FAT3: variants seen among roughly 807,000 people sequenced by gnomAD.
The protein encoded by FAT3 is protocadherin Fat 3.
A neutral mutation model predicts 310.2 loss-of-function variants in FAT3; 95 were observed. The ratio of observed to expected loss-of-function variants is 0.31; its 90% confidence interval spans 0.26 to 0.36. The LOEUF (loss-of-function observed/expected upper bound fraction) is 0.36, where lower values mean the gene tolerates loss of function less well. FAT3 is among the 10% of genes least tolerant of loss of function. The probability of loss-of-function intolerance (pLI) is 1.00; values close to 1 mark genes in which losing one functional copy is unlikely to be tolerated. For synonymous variants in FAT3, 2,314 were observed against 2,192.9 expected, an observed-to-expected ratio of 1.06 and a Z score of -1.54; for missense variants, 5,408 against 5,715.6, an observed-to-expected ratio of 0.95 and a Z score of 1.74.
intron 2 of FAT3, among the ~76,000 whole-genome samples, chr11:92,356,311 G>C (rs1948730136): frequency 6.6e-6 from 1 of 152,118 alleles, no homozygotes; most frequent in Admixed American, 6.5e-5. Context: ...TCCCTGTCTT[G>C]TTTAAATGGT....
chr11:92,539,854 T>G (rs1437212943), intron 3 of FAT3, among the ~76,000 whole-genome samples: 1 of 152,188 alleles, frequency 6.6e-6, no homozygotes, highest in Non-Finnish European at 1.5e-5. Context: ...ACATAATCTT[T>G]TGAACAAAGT....
chr11:92,846,162 C>G (rs1400317554), intron 19 of FAT3, among the ~76,000 whole-genome samples: 1 of 152,080 alleles, frequency 6.6e-6, no homozygotes, highest in South Asian at 2.1e-4. Flanking sequence ...GGTCTGTATG[C>G]GGTGATTCAC....
intron 4 of FAT3, among the ~76,000 whole-genome samples, chr11:92,738,173 A>C (rs1389111132): frequency 6.6e-6 from 1 of 152,026 alleles, no homozygotes; most frequent in African/African-American, 2.4e-5. Flanking sequence ...ATACATCATC[A>C]CTCCAGATAG....
At chr11:92,835,223 C>T in intron 15 of FAT3, 139 bp downstream of exon 15, 3 of 644,322 alleles carry the variant, frequency 4.7e-6, no homozygotes, top group Non-Finnish European at 7.8e-6. Context: ...AGAATAGGAG[C>T]CATCTTTCTA....
At chr11:92,400,543 A>G (rs1949989565) in intron 2 of FAT3, 1 of 152,162 alleles carries the variant, frequency 6.6e-6, no homozygotes, top group Admixed American at 6.6e-5. Flanking sequence ...TTTGGCAATA[A>G]AAGGTCATAT....
At chr11:92,622,539 A>G (rs763703652) in intron 3 of FAT3, among the ~76,000 whole-genome samples, 2 of 152,158 alleles carry the variant, frequency 1.3e-5, no homozygotes, top group Non-Finnish European at 2.9e-5. Context: ...CTGCTTCCTC[A>G]GCCTTGACTT....
chr11:92,769,407 C>A (rs1001162666), intron 6 of FAT3, among the ~76,000 whole-genome samples: 1 of 152,222 alleles, frequency 6.6e-6, no homozygotes, highest in Non-Finnish European at 1.5e-5. Context: ...TATCTTCACA[C>A]TTCTCAGGGG....
chr11:92,661,342 G>T (rs930004057), intron 3 of FAT3, among the ~76,000 whole-genome samples: 67 of 152,230 alleles, frequency 4.4e-4, no homozygotes, highest in Non-Finnish European at 9.7e-4. Flanking sequence ...ACAGAAAGGT[G>T]TGTGGTCTTT....
At chr11:92,551,472 G>A (rs185117778) in intron 3 of FAT3, among the ~76,000 whole-genome samples, 2 of 140,180 alleles carry the variant, frequency 1.4e-5, no homozygotes, top group Admixed American at 1.5e-4. Flanking sequence ...TTTTCTTCAA[G>A]CCTTCTGCTG....
At chr11:92,553,550 C>A (rs1954892652) in intron 3 of FAT3, among the ~76,000 whole-genome samples, 1 of 152,226 alleles carries the variant, frequency 6.6e-6, no homozygotes, top group South Asian at 2.1e-4. Context: ...CACATTAAAA[C>A]CAGATGTTTC....
intron 2 of FAT3, among the ~76,000 whole-genome samples, chr11:92,382,379 A>G: frequency 6.6e-6 from 1 of 152,194 alleles, no homozygotes; most frequent in Non-Finnish European, 1.5e-5. Flanking sequence ...TATTTTGTAC[A>G]GTTTTCATTT....
chr11:92,644,776 G>A (rs1003452272), intron 3 of FAT3, among the ~76,000 whole-genome samples: 2 of 152,204 alleles, frequency 1.3e-5, no homozygotes, highest in South Asian at 2.1e-4. Context: ...TGGGGGCAGA[G>A]TCAGAAGTTA....
rs530943664 is a variant in FAT3 at position 92,844,623 on chromosome 11, T to A, written c.11256T>A (p.His3752Gln). ...NCSGLDCQEQ[H>Q]CEQGLSLDSH... ...CAGGGCTGGACTGTCAGGAACAGCA[T>A]TGTGAGCAAGGCTTGTCACTCGATT... Residue 3752 changes from histidine (H) to glutamine (Q), a missense_variant, in exon 19 of 28, where the codon CAT (histidine) becomes CAA (glutamine). Transcript: ENST00000525166. The A allele has an allele frequency of 7.4e-6, 12 of 1,613,238 alleles. No individual in the cohort carries two copies. The highest frequency in any genetic ancestry group is 1.0e-5 in the Non-Finnish European group (12 of 1,179,630).
At chr11:92,683,072 T>TA (rs1179409316) in intron 3 of FAT3, among the ~76,000 whole-genome samples, 98 of 114,784 alleles carry the variant, frequency 8.5e-4, no homozygotes, top group East Asian at 9.5e-4. Flanking sequence ...AGCAAGACTC[T>TA]AAAAAAAAAA....
intron 4 of FAT3, among the ~76,000 whole-genome samples, chr11:92,720,722 C>A (rs750255960): frequency 4.6e-4 from 70 of 152,248 alleles, no homozygotes; most frequent in Admixed American, 8.5e-4. Context: ...TTTAACTCTT[C>A]TTCATCTTTT....
At chr11:92,650,971 G>C (rs1384277530) in intron 3 of FAT3, among the ~76,000 whole-genome samples, 14 of 152,206 alleles carry the variant, frequency 9.2e-5, no homozygotes, top group Admixed American at 7.9e-4. Context: ...CAGTAATGCA[G>C]CTTGCTCTCT....
At chr11:92,611,742 G>A (rs138106855) in intron 3 of FAT3, among the ~76,000 whole-genome samples, 1 of 152,222 alleles carries the variant, frequency 6.6e-6, no homozygotes, top group African/African-American at 2.4e-5. Flanking sequence ...AATTATAGGG[G>A]GAGAGAGGAA....
At chr11:92,325,688 G>A (rs1166489030) in intron 1 of FAT3, among the ~76,000 whole-genome samples, 5 of 152,192 alleles carry the variant, frequency 3.3e-5, no homozygotes, top group African/African-American at 9.7e-5. Context: ...CTGGAGTGCA[G>A]TGGTATGATC....
At chr11:92,659,408 T>A (rs999038309) in intron 3 of FAT3, among the ~76,000 whole-genome samples, 9 of 152,240 alleles carry the variant, frequency 5.9e-5, no homozygotes, top group Non-Finnish European at 7.3e-5. Flanking sequence ...GTCGTTAGCC[T>A]AGAAAGCTGA....
Sources: gnomAD v4.1 joint callset for allele counts (sites outside exome capture counted in the v4.1 genomes callset) on GRCh38, gnomAD v4.1.1 for gene constraint, MANE v1.5 for transcripts, NCBI Gene and HGNC (gene_info 2026-07-23, HGNC 2026-07-21) for gene names.